Variants in SH3BP2 observed in about 807,000 individuals in gnomAD.
The protein encoded by SH3BP2 is SH3 domain binding protein 2.
Under a neutral mutation model 56.2 loss-of-function variants are expected in SH3BP2, and 38 were observed. The observed-to-expected ratio is 0.68, with a 90% confidence interval of 0.52 to 0.89. The LOEUF is 0.89. Among genes scored for constraint, SH3BP2 ranks in the 40% least tolerant of loss-of-function variants. SH3BP2 has a pLI of 0.00. For missense variants in SH3BP2, 748 were observed against 762.6 expected (o/e 0.98, Z 0.23); for synonymous variants, 346 against 316.7 (o/e 1.09, Z -0.98).
intron 1 of SH3BP2, among the ~76,000 whole-genome samples, chr4:2,816,485 T>C (rs1325573458): frequency 1.3e-5 from 2 of 152,274 alleles, no homozygotes; most frequent in African/African-American, 2.4e-5. Flanking sequence ...TCCAGTACTA[T>C]GCTGAATAGA....
chr4:2,827,646 T>G lies in SH3BP2; in HGVS notation c.558T>G (p.Pro186=), dbSNP rs1252815078. The G allele has an allele frequency of 3.1e-6, 5 of 1,590,514 alleles. No individual in the cohort carries two copies. In the African/African-American group the frequency reaches 4.0e-5, roughly 13 times the overall value. Reference sequence around the variant, plus strand: ...ATGAGGATGACTCCTACCTGGAGCCTGACTCCCCGGAGCCCGGAAGGCTTG... The same window carrying G: ...ATGAGGATGACTCCTACCTGGAGCCGGACTCCCCGGAGCCCGGAAGGCTTG... ...HDDEDDSYLE[P]DSPEPGRLED... is the part of the protein sequence containing the mutation. The change falls in exon 7 of 13, where the codon CCT becomes CCG. Residue 186 remains proline (P), a synonymous_variant. Transcript: ENST00000503393.
intron 1 of SH3BP2, among the ~76,000 whole-genome samples, chr4:2,802,698 T>C (rs1414561094): frequency 7.2e-6 from 1 of 138,182 alleles, no homozygotes; most frequent in Non-Finnish European, 1.5e-5. Flanking sequence ...TATATGTATG[T>C]ATGTATATCT....
chr4:2,803,681 C>A (rs1002390494), intron 1 of SH3BP2, among the ~76,000 whole-genome samples: 2 of 152,178 alleles, frequency 1.3e-5, no homozygotes, highest in Admixed American at 6.5e-5. Context: ...CTAAGACCCA[C>A]CTCTGTCTCT....
At chr4:2,795,311 G>C (rs1012441655) in intron 1 of SH3BP2, among the ~76,000 whole-genome samples, 9 of 152,204 alleles carry the variant, frequency 5.9e-5, no homozygotes, top group Non-Finnish European at 1.3e-4. Flanking sequence ...GTGTTGGGCA[G>C]CCCCTGGGTC....
intron 5 of SH3BP2, among the ~76,000 whole-genome samples, chr4:2,825,832 G>A (rs1403147730): frequency 3.3e-5 from 5 of 152,266 alleles, no homozygotes; most frequent in Admixed American, 6.5e-5. Context: ...TGATTCTCCT[G>A]GCGGGGCGCC....
intron 1 of SH3BP2, among the ~76,000 whole-genome samples, chr4:2,797,976 G>C (rs1464298364): frequency 6.6e-6 from 1 of 152,236 alleles, no homozygotes; most frequent in Non-Finnish European, 1.5e-5. Context: ...CGCCCAGTTG[G>C]TGGAGTTTCC....
Position 2,831,881 on chromosome 4 carries a change from G to T in SH3BP2, c.1351-42G>T. ...CGTCCGGGGAGTGGTGGTGCGGGTG[G>T]ATCACTCCGACGTTGGCACTGACAC... On this transcript the variant is annotated intron_variant, in intron 9 of 12. Transcript: ENST00000503393. The surrounding 1 kb of genome is among the most constrained non-coding windows in gnomAD (Gnocchi z 4.1). 1 of 1,604,610 alleles carries T rather than the reference G, an allele frequency of 6.2e-7. No individual in the cohort carries two copies.
intron 3 of SH3BP2, 46 bp downstream of exon 3, chr4:2,823,083 G>T (rs1400043362): frequency 2.2e-6 from 3 of 1,394,692 alleles, no homozygotes; most frequent in Non-Finnish European, 3.0e-6. Flanking sequence ...CACAGCCAGC[G>T]GGTCCCTCCC....
At chr4:2,828,426 TCTC>T (rs1018435309) in intron 7 of SH3BP2, among the ~76,000 whole-genome samples, 2 of 151,476 alleles carry the variant, frequency 1.3e-5, no homozygotes, top group African/African-American at 4.9e-5. Context: ...CAGCCCCTCT[TCTC>T]CTGCCGCTCC....
rs1292080827 is a variant in SH3BP2, at chr4:2,799,015, C to G, written c.-5+5877C>G. On this transcript the variant is annotated intron_variant, in intron 1 of 12. Transcript: ENST00000503393. ...CACGCAGCACGGGGCCTGGGAAACT[C>G]CAAAGCCGGCGTCAGGTCATCGAGG... is the stretch of plus-strand genomic sequence containing the variant. 3.0e-6 allele frequency: 3 copies of G among 985,464 alleles called. No homozygotes were observed. In the African/African-American group the frequency reaches 5.2e-5, roughly 17 times the overall value. The allele number at this position is 985,464 out of a possible 1,614,324, so 61.0% of individuals were successfully genotyped here.
intron 1 of SH3BP2, among the ~76,000 whole-genome samples, chr4:2,794,716 C>T (rs1723005990): frequency 6.6e-6 from 1 of 152,234 alleles, no homozygotes; most frequent in Non-Finnish European, 1.5e-5. Flanking sequence ...TGGGGGAGCC[C>T]ACCAAGGAGG....
At chr4:2,819,359 T>A (rs1271371529) in intron 1 of SH3BP2, among the ~76,000 whole-genome samples, 1 of 152,204 alleles carries the variant, frequency 6.6e-6, no homozygotes, top group Non-Finnish European at 1.5e-5. Context: ...CAGCTGGGAC[T>A]ACAGATGCAC....
chr4:2,820,561 G>GACT, intron 1 of SH3BP2, 53 bp from the exon 2 acceptor site: 5 of 1,612,934 alleles, frequency 3.1e-6, no homozygotes, highest in Non-Finnish European at 4.2e-6. Context: ...CCCTGGCTCA[G>GACT]CCATCTCCTG....
At chr4:2,822,211 G>C (rs1340644939) in intron 2 of SH3BP2, among the ~76,000 whole-genome samples, 1 of 90 alleles carries the variant, frequency 0.011, no homozygotes, top group Non-Finnish European at 0.019. Context: ...CTGCAGTGCA[G>C]TGGGTGCGAA....
intron 11 of SH3BP2, 81 bp from the exon 12 acceptor site, chr4:2,832,909 C>G (rs1725072132): frequency 4.9e-6 from 7 of 1,417,644 alleles, no homozygotes; most frequent in African/African-American, 1.4e-5. Context: ...GGTTCTGCCC[C>G]CCTATCCCCA....
intron 1 of SH3BP2, among the ~76,000 whole-genome samples, chr4:2,806,592 C>CCG (rs1723543743): frequency 6.6e-6 from 1 of 151,252 alleles, no homozygotes; most frequent in African/African-American, 2.5e-5. Flanking sequence ...CCTCACTTCA[C>CCG]TGTCTCCAGC....
Position 2,827,351 on chromosome 4 carries a change from G to A in SH3BP2, c.517+33G>A, listed in dbSNP as rs770952063. The A allele has an allele frequency of 4.4e-6, 7 of 1,580,082 alleles. No homozygotes were observed. The Admixed American group carries it at 5.0e-5, about 11-fold the overall frequency. ...CTTTCTCCGCATCCACTGCCCGTTT[G>A]CCTCTCCCCACCTGGCCTCCTCTTG... On this transcript the variant is annotated intron_variant, in intron 6 of 12. Coordinates refer to ENST00000503393, the MANE Select transcript of SH3BP2 (RefSeq NM_001122681.2).
rs1725228328 is a variant in SH3BP2, at chr4:2,836,240, G to A, written c.*2406G>A. On this transcript the variant is annotated 3_prime_UTR_variant, in exon 13 of 13. Coordinates refer to ENST00000503393, the MANE Select transcript of SH3BP2 (RefSeq NM_001122681.2). ...GTCTGTGTGAGCTGCTCTAGGCCGA[G>A]GGCCTCAGTTTCAAGAGTGTGTTGG... 1 of 152,316 alleles carries A rather than the reference G, an allele frequency of 6.6e-6. No individual in the cohort carries two copies. Among genetic ancestry groups the A allele is most frequent in the South Asian group, 2.1e-4 (1 of 4,836 alleles). The allele number at this position is 152,316 out of a possible 1,614,324, so 9.4% of individuals were successfully genotyped here. A position where few individuals can be genotyped will look rare whatever the true frequency, so the allele number is the denominator to read the frequency against.
chr4:2,833,536 C>A (rs756437226), intron 12 of SH3BP2, 161 bp from the exon 13 acceptor site: 2 of 813,364 alleles, frequency 2.5e-6, no homozygotes, highest in Non-Finnish European at 2.0e-6. Flanking sequence ...AGAGCACAGG[C>A]CTGATGCGGA....
Sources: gnomAD v4.1 joint callset for allele counts (sites outside exome capture counted in the v4.1 genomes callset) on GRCh38, gnomAD v4.1.1 for gene constraint, Gnocchi (gnomAD v3.1) non-coding constraint, MANE v1.5 for transcripts, NCBI Gene and HGNC (gene_info 2026-07-23, HGNC 2026-07-21) for gene names.